The following PCDH15 variants were observed in gnomAD, a reference collection of about 807,000 sequenced individuals.
PCDH15 encodes protocadherin-15.
Under a neutral mutation model 178.5 loss-of-function variants are expected in PCDH15, and 129 were observed. That is an observed-to-expected ratio of 0.72 (90% CI 0.63 to 0.84). The LOEUF is 0.84. PCDH15 is among the 40% of genes least tolerant of loss of function. The pLI, the probability that PCDH15 is intolerant of heterozygous loss-of-function variation, is 0.00. For missense variants in PCDH15, 2,230 were observed against 2,099.9 expected (o/e 1.06, Z -1.21); for synonymous variants, 800 against 732.0 (o/e 1.09, Z -1.50).
At chr10:54,611,138 G>T (rs1010359009) in intron 2 of PCDH15, among the ~76,000 whole-genome samples, 13 of 151,714 alleles carry the variant, frequency 8.6e-5, no homozygotes, top group African/African-American at 2.9e-4. Flanking sequence ...CAATTGAAAA[G>T]ATTTTAATAA....
At chr10:55,223,766 T>C (rs1440811732) in intron 1 of PCDH15, among the ~76,000 whole-genome samples, 1 of 152,154 alleles carries the variant, frequency 6.6e-6, no homozygotes, top group East Asian at 1.9e-4. Flanking sequence ...AGCAGTAATC[T>C]GCTAAACTCT....
At chr10:53,810,445 T>A in intron 37 of PCDH15, 111 bp downstream of exon 37, 1 of 920,944 alleles carries the variant, frequency 1.1e-6, no homozygotes, top group Non-Finnish European at 1.7e-6. Flanking sequence ...AAATACGTAC[T>A]AAGTGAAAGG....
chr10:54,560,686 G>T (rs148735204), intron 2 of PCDH15, among the ~76,000 whole-genome samples: 7 of 151,962 alleles, frequency 4.6e-5, no homozygotes, highest in Admixed American at 3.9e-4. Context: ...AACTGCTTGC[G>T]TTATAGATTT....
In PCDH15 at chr10:53,804,055, A is replaced by C. The variant is rs983024256; in HGVS notation, c.*2524T>G. On this transcript the variant is annotated 3_prime_UTR_variant, in exon 38 of 38. Coordinates refer to ENST00000644397, the MANE Select transcript of PCDH15 (RefSeq NM_001384140.1). Reference sequence around the variant, plus strand: ...AGACTAGTGAAAGTTCTATGAAAGTAACTATTTAATTGATCCAGATTTATT... The same window carrying C: ...AGACTAGTGAAAGTTCTATGAAAGTCACTATTTAATTGATCCAGATTTATT... 1 of 151,974 alleles carries C rather than the reference A, an allele frequency of 6.6e-6. No individual in the cohort carries two copies. Among genetic ancestry groups the C allele is most frequent in the African/African-American group, 2.4e-5 (1 of 41,448 alleles). The allele number at this position is 151,974 out of a possible 1,614,324, so 9.4% of individuals were successfully genotyped here. A position where few individuals can be genotyped will look rare whatever the true frequency, so the allele number is the denominator to read the frequency against.
chr10:55,383,514 C>T lies in PCDH15; in HGVS notation c.-155-216863G>A, dbSNP rs116100823. On this transcript the variant is annotated intron_variant, in intron 2 of 5. Transcript: ENST00000613346. Reference sequence around the variant, plus strand: ...TGCTGGGGAACCATCCTCTTTTACCCCCTATTTCCCTGCCTCCTGTCTGTA... The same window carrying T: ...TGCTGGGGAACCATCCTCTTTTACCTCCTATTTCCCTGCCTCCTGTCTGTA... Among the ~76,000 whole-genome samples the T allele has an allele frequency of 5.6e-3, 853 of 152,222 alleles. 12 individuals carry two copies. Among genetic ancestry groups the T allele is most frequent in the African/African-American group, 0.02 (812 of 41,532 alleles).
At chr10:55,619,744 A>G (rs1357502271) in intron 2 of PCDH15, among the ~76,000 whole-genome samples, 1 of 152,024 alleles carries the variant, frequency 6.6e-6, no homozygotes, top group Non-Finnish European at 1.5e-5. Flanking sequence ...GTTTTTGATT[A>G]CTTATCATGT....
intron 14 of PCDH15, among the ~76,000 whole-genome samples, chr10:54,146,798 G>A (rs2043947988): frequency 6.7e-6 from 1 of 150,112 alleles, no homozygotes; most frequent in Admixed American, 6.7e-5. Flanking sequence ...GAAGCCTGCT[G>A]TCATTTTTTG....
intron 2 of PCDH15, among the ~76,000 whole-genome samples, chr10:55,621,974 T>C (rs1367273366): frequency 6.9e-6 from 1 of 144,668 alleles, no homozygotes; most frequent in Non-Finnish European, 1.5e-5. Flanking sequence ...ATAAATATAC[T>C]CTCGTTCTCT....
At chr10:53,874,882 T>TA (rs2080114987) in intron 26 of PCDH15, among the ~76,000 whole-genome samples, 1 of 151,672 alleles carries the variant, frequency 6.6e-6, no homozygotes, top group African/African-American at 2.4e-5. Context: ...TGAAAAGAAA[T>TA]GAAAAAGTAT....
intron 2 of PCDH15, among the ~76,000 whole-genome samples, chr10:54,554,696 C>T (rs2086977935): frequency 6.6e-6 from 1 of 152,106 alleles, no homozygotes; most frequent in African/African-American, 2.4e-5. Flanking sequence ...AGGAGTAGAT[C>T]TTGAGACAGA....
chr10:54,391,525 G>C (rs1365616334), intron 3 of PCDH15, among the ~76,000 whole-genome samples: 1 of 150,794 alleles, frequency 6.6e-6, no homozygotes, highest in Non-Finnish European at 1.5e-5. Flanking sequence ...GGGTATAGGG[G>C]AACTATAAGA....
intron 2 of PCDH15, among the ~76,000 whole-genome samples, chr10:55,085,053 G>C (rs118164342): frequency 6.6e-6 from 1 of 151,996 alleles, no homozygotes; most frequent in East Asian, 1.9e-4. Context: ...TTTACCCTAT[G>C]ATCCAGATAT....
intron 2 of PCDH15, among the ~76,000 whole-genome samples, chr10:55,327,548 T>C (rs576610300): frequency 2.6e-5 from 4 of 152,120 alleles, no homozygotes; most frequent in Non-Finnish European, 5.9e-5. Context: ...AAACATGTTA[T>C]ATTCAATACC....
intron 2 of PCDH15, among the ~76,000 whole-genome samples, chr10:54,935,542 C>T (rs189099197): frequency 1.1e-4 from 17 of 152,188 alleles, no homozygotes; most frequent in Admixed American, 9.8e-4. Flanking sequence ...ATAGTGTGCA[C>T]CTCTGGTAAC....
At chr10:54,513,419 C>A (rs934512276) in intron 3 of PCDH15, among the ~76,000 whole-genome samples, 9 of 151,950 alleles carry the variant, frequency 5.9e-5, no homozygotes, top group Non-Finnish European at 1.3e-4. Flanking sequence ...CGCCCCCATG[C>A]CTGGCTAAAA....
At chr10:55,417,204 G>A (rs1319946335) in intron 2 of PCDH15, among the ~76,000 whole-genome samples, 1 of 151,780 alleles carries the variant, frequency 6.6e-6, no homozygotes, top group Non-Finnish European at 1.5e-5. Flanking sequence ...ATCCATCGCT[G>A]TGTTAGCACT....
intron 6 of PCDH15, among the ~76,000 whole-genome samples, chr10:54,344,960 T>G (rs1189927236): frequency 7.2e-6 from 1 of 138,046 alleles, no homozygotes; most frequent in African/African-American, 2.7e-5. Context: ...ACCCTGCTAA[T>G]AAAATGTATA....
At chr10:54,435,982 G>GA (rs961440598) in intron 3 of PCDH15, among the ~76,000 whole-genome samples, 3 of 134,590 alleles carry the variant, frequency 2.2e-5, no homozygotes, top group African/African-American at 8.9e-5. Flanking sequence ...AAAAATGAAA[G>GA]AAAGAAAAGA....
rs1464397734 is a variant in PCDH15 at position 54,199,646 on chromosome 10, T to C, written c.1099-3757A>G. 2.0e-5 allele frequency among the ~76,000 whole-genome samples: 3 copies of C among 151,368 alleles called. No individual in the cohort carries two copies. The East Asian group carries it at 5.8e-4, about 29-fold the overall frequency. Reference sequence around the variant, plus strand: ...ATGCATCAAAACTCTGATACAATTATCTTTTCTTCCATACAATATAAATAA... The same window carrying C: ...ATGCATCAAAACTCTGATACAATTACCTTTTCTTCCATACAATATAAATAA... On this transcript the variant is annotated intron_variant, in intron 10 of 37. Transcript: ENST00000644397.
Sources: gnomAD v4.1 joint callset for allele counts (sites outside exome capture counted in the v4.1 genomes callset) on GRCh38, gnomAD v4.1.1 for gene constraint, MANE v1.5 for transcripts, NCBI Gene and HGNC (gene_info 2026-07-23, HGNC 2026-07-21) for gene names.